SYN2: variants seen among roughly 807,000 people sequenced by gnomAD.
SYN2 encodes the protein synapsin II.
SYN2 carries 19 observed loss-of-function variants against 50.9 expected under a neutral mutation model. That is an observed-to-expected ratio of 0.37 (90% CI 0.26 to 0.55). SYN2 has a LOEUF of 0.55. SYN2 is among the 20% of genes least tolerant of loss of function. SYN2 has a pLI of 0.81. For synonymous variants in SYN2, 255 were observed against 224.9 expected, an observed-to-expected ratio of 1.13 and a Z score of -1.20; for missense variants, 587 against 576.4, an observed-to-expected ratio of 1.02 and a Z score of -0.19.
intron 12 of SYN2, among the ~76,000 whole-genome samples, chr3:12,187,968 A>T (rs1478659692): frequency 6.6e-6 from 1 of 151,954 alleles, no homozygotes; most frequent in Non-Finnish European, 1.5e-5. Context: ...TGTTTATTTT[A>T]AACCCTGTCT....
At chr3:12,172,167 C>T (rs1697951491) in intron 10 of SYN2, among the ~76,000 whole-genome samples, 1 of 152,228 alleles carries the variant, frequency 6.6e-6, no homozygotes, top group African/African-American at 2.4e-5. Context: ...TCTGCTATAA[C>T]ATTATGTGAC....
At chr3:12,063,370 G>A (rs1196686933) in intron 1 of SYN2, among the ~76,000 whole-genome samples, 3 of 152,142 alleles carry the variant, frequency 2.0e-5, no homozygotes, top group African/African-American at 2.4e-5. Flanking sequence ...AGTAGAGTCT[G>A]TAAGATTAAA....
intron 7 of SYN2, 41 bp downstream of exon 7, chr3:12,162,195 G>A: frequency 6.2e-7 from 1 of 1,601,364 alleles, no homozygotes; most frequent in Non-Finnish European, 8.5e-7. Flanking sequence ...AGTGATGATG[G>A]AAAAGCTGAG....
chr3:12,012,101 C>T (rs772136107), intron 1 of SYN2, among the ~76,000 whole-genome samples: 3 of 150,870 alleles, frequency 2.0e-5, no homozygotes, highest in Non-Finnish European at 2.9e-5. Context: ...TGAGGGCCAC[C>T]GACTCAAGAC....
At chr3:12,163,007 G>A (rs1232932963) in intron 7 of SYN2, among the ~76,000 whole-genome samples, 2 of 152,098 alleles carry the variant, frequency 1.3e-5, no homozygotes, top group Non-Finnish European at 2.9e-5. Context: ...TTGGGAGGCC[G>A]AGGCGGGCGG....
At position 12,191,895 on chromosome 3, in the gene SYN2, A is replaced by G. The variant is rs1698450595; in HGVS notation, c.*1270A>G. Among the ~76,000 whole-genome samples the G allele has an allele frequency of 6.6e-6, 1 of 152,168 alleles. No homozygotes were observed. Among genetic ancestry groups the G allele is most frequent in the Non-Finnish European group, 1.5e-5 (1 of 68,026 alleles). ...GGCATCCTAAAGAGGCCTGCAATTG[A>G]GGGTGGGCTCTGAGGGATTTCACTC... On this transcript the variant is annotated 3_prime_UTR_variant, in exon 13 of 13. Coordinates refer to ENST00000621198, the MANE Select transcript of SYN2 (RefSeq NM_133625.6).
rs368992022 is a variant in SYN2 at position 12,171,025 on chromosome 3, C to T, written c.1308+1119C>T. On this transcript the variant is annotated intron_variant, in intron 10 of 12. Transcript: ENST00000621198. ...AAAATTTCTTTGAGTAGAATACTTC[C>T]GTCTTCACTGATCCTGATAAATGGG... 9.9e-4 allele frequency among the ~76,000 whole-genome samples: 151 copies of T among 152,256 alleles called. 4 individuals are homozygous for T. In the South Asian group the frequency reaches 0.029, roughly 29 times the overall value.
chr3:12,150,337 A>G (rs1165192102), intron 4 of SYN2, among the ~76,000 whole-genome samples: 1 of 152,188 alleles, frequency 6.6e-6, no homozygotes, highest in Non-Finnish European at 1.5e-5. Flanking sequence ...TTTCCTGTGG[A>G]AAGGGCATAG....
chr3:12,144,543 A>C (rs1697101178), intron 3 of SYN2, among the ~76,000 whole-genome samples: 1 of 152,224 alleles, frequency 6.6e-6, no homozygotes, highest in African/African-American at 2.4e-5. Flanking sequence ...CTCGAAAGCC[A>C]CAAGGAGCTT....
chr3:12,157,537 T>A (rs1697494353), intron 5 of SYN2: 2 of 1,545,012 alleles, frequency 1.3e-6, no homozygotes, highest in Non-Finnish European at 1.8e-6. Flanking sequence ...GCAATACACC[T>A]GAGGTCTGGA....
intron 1 of SYN2, among the ~76,000 whole-genome samples, chr3:12,076,826 C>T (rs1223027585): frequency 6.6e-6 from 1 of 152,118 alleles, no homozygotes; most frequent in Non-Finnish European, 1.5e-5. Flanking sequence ...AATTTGATGT[C>T]ACTCAAATAG....
At chr3:12,026,417 A>G (rs1397200401) in intron 1 of SYN2, among the ~76,000 whole-genome samples, 3 of 152,156 alleles carry the variant, frequency 2.0e-5, no homozygotes, top group South Asian at 2.1e-4. Flanking sequence ...AAAAAAATAT[A>G]TATACAAGGC....
chr3:12,104,879 A>G (rs1045123916), intron 1 of SYN2, among the ~76,000 whole-genome samples: 3 of 152,144 alleles, frequency 2.0e-5, no homozygotes, highest in African/African-American at 7.2e-5. Context: ...CATGTGAAAC[A>G]TTTTTCAAAA....
intron 1 of SYN2, among the ~76,000 whole-genome samples, chr3:12,130,182 G>T (rs1468674371): frequency 6.6e-6 from 1 of 151,156 alleles, no homozygotes; most frequent in African/African-American, 2.4e-5. Context: ...GTATACATAG[G>T]TATATGTGTG....
chr3:12,048,743 T>A (rs1159245139), intron 1 of SYN2, among the ~76,000 whole-genome samples: 10 of 152,260 alleles, frequency 6.6e-5, no homozygotes, highest in African/African-American at 2.4e-4. Context: ...TTTCCCCCAC[T>A]TAAAAAGTAT....
intron 1 of SYN2, 71 bp downstream of exon 1, chr3:12,004,999 C>G: frequency 2.4e-6 from 1 of 411,960 alleles, no homozygotes; most frequent in Non-Finnish European, 4.3e-6. Flanking sequence ...GAGGACGGTC[C>G]CAGGTCGCCG....
At chr3:12,089,385 C>A (rs1160635217) in intron 1 of SYN2, among the ~76,000 whole-genome samples, 2 of 152,182 alleles carry the variant, frequency 1.3e-5, no homozygotes, top group African/African-American at 4.8e-5. Flanking sequence ...AGGCCTGCCC[C>A]TCATGATTCA....
At chr3:12,142,273 C>A (rs1697037504) in intron 3 of SYN2, among the ~76,000 whole-genome samples, 1 of 152,198 alleles carries the variant, frequency 6.6e-6, no homozygotes. Context: ...TTATTTCCCC[C>A]AACCCCTTCA....
intron 7 of SYN2, among the ~76,000 whole-genome samples, chr3:12,162,795 A>G (rs1416777535): frequency 2.0e-5 from 3 of 152,222 alleles, no homozygotes; most frequent in Non-Finnish European, 4.4e-5. Flanking sequence ...ACTTCTCTGT[A>G]ACTGTGTCCA....
Sources: gnomAD v4.1 joint callset for allele counts (sites outside exome capture counted in the v4.1 genomes callset) on GRCh38, gnomAD v4.1.1 for gene constraint, MANE v1.5 for transcripts, NCBI Gene and HGNC (gene_info 2026-07-23, HGNC 2026-07-21) for gene names.